The following MACROD2 variants were observed in gnomAD, a reference collection of about 807,000 sequenced individuals.
MACROD2 encodes mono-ADP ribosylhydrolase 2.
MACROD2 carries 36 observed loss-of-function variants against 70.4 expected under a neutral mutation model. The ratio of observed to expected loss-of-function variants is 0.51; its 90% confidence interval spans 0.39 to 0.68. The LOEUF is 0.68. Ranked by LOEUF, MACROD2 falls within the 30% of genes least tolerant of loss-of-function variation. The pLI is 0.00. For missense variants in MACROD2, 496 were observed against 538.4 expected (o/e 0.92, Z 0.78); for synonymous variants, 172 against 178.8 (o/e 0.96, Z 0.30).
At chr20:14,073,968 A>T (rs757452331) in intron 2 of MACROD2, among the ~76,000 whole-genome samples, 3 of 152,120 alleles carry the variant, frequency 2.0e-5, no homozygotes. Flanking sequence ...GTCCAGTTTG[A>T]GCAAGAATCT....
At chr20:14,115,189 A>G (rs933728889) in intron 3 of MACROD2, among the ~76,000 whole-genome samples, 3 of 152,172 alleles carry the variant, frequency 2.0e-5, no homozygotes, top group African/African-American at 7.2e-5. Flanking sequence ...TGATGATGAT[A>G]AAGCACAGTG....
chr20:15,310,578 A>G (rs1052864164), intron 6 of MACROD2, among the ~76,000 whole-genome samples: 1 of 152,170 alleles, frequency 6.6e-6, no homozygotes, highest in African/African-American at 2.4e-5. Flanking sequence ...TTCAACAACA[A>G]TTTAAGGAAG....
chr20:15,871,991 C>T (rs939115373), intron 9 of MACROD2, among the ~76,000 whole-genome samples: 1 of 152,134 alleles, frequency 6.6e-6, no homozygotes, highest in African/African-American at 2.4e-5. Flanking sequence ...TGAACAAAGG[C>T]TAAAGAAAAG....
At chr20:15,567,445 C>G (rs1173577792) in intron 8 of MACROD2, among the ~76,000 whole-genome samples, 1 of 152,082 alleles carries the variant, frequency 6.6e-6, no homozygotes, top group African/African-American at 2.4e-5. Flanking sequence ...GGACGCGCTG[C>G]CAACACCTGG....
intron 5 of MACROD2, among the ~76,000 whole-genome samples, chr20:15,002,883 T>C (rs943343967): frequency 6.6e-6 from 1 of 152,214 alleles, no homozygotes; most frequent in Non-Finnish European, 1.5e-5. Context: ...AATATCTCTC[T>C]TTTAAAAAAT....
intron 8 of MACROD2, among the ~76,000 whole-genome samples, chr20:15,811,479 C>T (rs2063821125): frequency 1.3e-5 from 2 of 152,182 alleles, no homozygotes; most frequent in African/African-American, 2.4e-5. Context: ...CCCCTGTATT[C>T]CTGACAGTGA....
intron 10 of MACROD2, among the ~76,000 whole-genome samples, chr20:15,912,577 C>T (rs143247779): frequency 8.9e-4 from 136 of 152,252 alleles, no homozygotes; most frequent in African/African-American, 3.2e-3. Context: ...TGTTGTATTT[C>T]CAAATATGAA....
intron 6 of MACROD2, among the ~76,000 whole-genome samples, chr20:15,291,222 G>A (rs1490114399): frequency 1.3e-5 from 2 of 152,164 alleles, no homozygotes; most frequent in Non-Finnish European, 1.5e-5. Flanking sequence ...TGCTCCATAA[G>A]GAGTCTGATG....
intron 3 of MACROD2, among the ~76,000 whole-genome samples, chr20:14,300,266 A>C (rs2082463398): frequency 6.6e-6 from 1 of 152,220 alleles, no homozygotes; most frequent in African/African-American, 2.4e-5. Flanking sequence ...TTATGTGCAT[A>C]CTTGCATTAG....
intron 5 of MACROD2, among the ~76,000 whole-genome samples, chr20:14,690,210 A>C (rs562316252): frequency 7.9e-5 from 12 of 152,302 alleles, no homozygotes; most frequent in African/African-American, 2.9e-4. Context: ...TCAAGGATAA[A>C]TGGAAAAATA....
intron 2 of MACROD2, among the ~76,000 whole-genome samples, chr20:14,078,880 G>C (rs1036611121): frequency 2.6e-5 from 4 of 152,068 alleles, no homozygotes; most frequent in Non-Finnish European, 5.9e-5. Flanking sequence ...GGTTATATTT[G>C]TATGGGTAAA....
intron 5 of MACROD2, among the ~76,000 whole-genome samples, chr20:14,756,807 G>A (rs937705862): frequency 1.3e-5 from 2 of 152,094 alleles, no homozygotes; most frequent in Non-Finnish European, 2.9e-5. Context: ...ATAATCCCAC[G>A]TGTCAACGGT....
chr20:15,660,459 A>C (rs1331680543), intron 8 of MACROD2, among the ~76,000 whole-genome samples: 1 of 152,032 alleles, frequency 6.6e-6, no homozygotes, highest in Non-Finnish European at 1.5e-5. Context: ...TTTCAGATTT[A>C]TTTAGAAAAT....
chr20:14,652,833 G>A (rs1209822711), intron 4 of MACROD2, among the ~76,000 whole-genome samples: 3 of 152,146 alleles, frequency 2.0e-5, no homozygotes, highest in African/African-American at 7.2e-5. Flanking sequence ...TTTTGCCACT[G>A]GGAAAGAATT....
chr20:15,196,314 A>G (rs898799950), intron 5 of MACROD2, among the ~76,000 whole-genome samples: 2 of 152,194 alleles, frequency 1.3e-5, no homozygotes, highest in Admixed American at 1.3e-4. Flanking sequence ...ATAACATACA[A>G]ATATAACAAG....
In MACROD2 at chr20:15,181,747, C is replaced by G. The variant is rs980757104; in HGVS notation, c.419-48193C>G. Among the ~76,000 whole-genome samples, 8 of 152,118 alleles carry G rather than the reference C, an allele frequency of 5.3e-5. 1 individual carries two copies. In the East Asian group the frequency reaches 7.7e-4, roughly 15 times the overall value. Reference sequence around the variant, plus strand: ...TCACATTCAAGTCTGAGAAACATTCCTCTTCCTGTTGCCTTATATTTTTAC... The same window carrying G: ...TCACATTCAAGTCTGAGAAACATTCGTCTTCCTGTTGCCTTATATTTTTAC... On this transcript the variant is annotated intron_variant, in intron 5 of 17. Transcript: ENST00000684519.
At chr20:15,463,468 G>T (rs6079842) in intron 7 of MACROD2, among the ~76,000 whole-genome samples, 1 of 152,178 alleles carries the variant, frequency 6.6e-6, no homozygotes, top group South Asian at 2.1e-4. Flanking sequence ...TATACTTTTA[G>T]GCCAGGTGTG....
chr20:14,425,426 G>A (rs905630127), intron 3 of MACROD2, among the ~76,000 whole-genome samples: 6 of 152,034 alleles, frequency 3.9e-5, no homozygotes, highest in Non-Finnish European at 5.9e-5. Flanking sequence ...ATTACTATAC[G>A]TATGAAAAGC....
At chr20:15,367,040 T>A (rs1388357257) in intron 6 of MACROD2, among the ~76,000 whole-genome samples, 1 of 151,678 alleles carries the variant, frequency 6.6e-6, no homozygotes, top group East Asian at 1.9e-4. Flanking sequence ...ATTTTTTTTT[T>A]TTTTTGAGAG....
Sources: gnomAD v4.1 joint callset for allele counts (sites outside exome capture counted in the v4.1 genomes callset) on GRCh38, gnomAD v4.1.1 for gene constraint, MANE v1.5 for transcripts, NCBI Gene and HGNC (gene_info 2026-07-23, HGNC 2026-07-21) for gene names.